ZNF516: variants seen among roughly 807,000 people sequenced by gnomAD.
The protein encoded by ZNF516 is zinc finger protein 516.
A neutral mutation model predicts 79.7 loss-of-function variants in ZNF516; 19 were observed. The observed-to-expected ratio is 0.24, with a 90% CI of 0.17 to 0.35. ZNF516 has a LOEUF of 0.35. ZNF516 is among the 10% of genes least tolerant of loss of function. ZNF516 has a pLI of 1.00. For missense variants in ZNF516, 1,678 were observed against 1,679.5 expected (o/e 1.00, Z 0.02); for synonymous variants, 877 against 739.5 (o/e 1.19, Z -3.02).
chr18:76,483,035 T>A (rs1226386689), intron 1 of ZNF516, among the ~76,000 whole-genome samples: 1 of 152,192 alleles, frequency 6.6e-6, no homozygotes, highest in African/African-American at 2.4e-5. Context: ...ATTTACTAAT[T>A]TTTTTCCTCT....
At chr18:76,372,068 G>A (rs756210126) in intron 4 of ZNF516, among the ~76,000 whole-genome samples, 8 of 152,188 alleles carry the variant, frequency 5.3e-5, no homozygotes, top group Non-Finnish European at 1.0e-4. Context: ...CCTCTCTCCT[G>A]CCTGCCTGGG....
chr18:76,449,892 G>A (rs1403076826), intron 2 of ZNF516, among the ~76,000 whole-genome samples: 9 of 152,156 alleles, frequency 5.9e-5, no homozygotes, highest in Non-Finnish European at 1.2e-4. Context: ...ACAACAACAG[G>A]TTATTTAACA....
intron 2 of ZNF516, among the ~76,000 whole-genome samples, chr18:76,449,269 A>C (rs940290595): frequency 1.3e-5 from 2 of 152,172 alleles, no homozygotes; most frequent in Non-Finnish European, 2.9e-5. Context: ...TGAACCCCAT[A>C]GCTGCCCTGG....
chr18:76,390,262 C>T (rs2145132263), intron 3 of ZNF516, among the ~76,000 whole-genome samples: 1 of 152,320 alleles, frequency 6.6e-6, no homozygotes, highest in East Asian at 1.9e-4. Context: ...TGAACACAAA[C>T]TGGTCATTTT....
chr18:76,463,682 T>C (rs375563367), intron 1 of ZNF516, among the ~76,000 whole-genome samples: 9 of 152,292 alleles, frequency 5.9e-5, no homozygotes, highest in African/African-American at 1.9e-4. Flanking sequence ...AGGGAGCCAG[T>C]CTGTGACCGC....
At chr18:76,395,514 T>C (rs972051290) in intron 3 of ZNF516, among the ~76,000 whole-genome samples, 1 of 152,108 alleles carries the variant, frequency 6.6e-6, no homozygotes, top group Admixed American at 6.6e-5. Context: ...CAGGTATCTC[T>C]TAAGGACCTG....
chr18:76,411,390 A>G (rs1197357114), intron 3 of ZNF516, among the ~76,000 whole-genome samples: 5 of 152,192 alleles, frequency 3.3e-5, no homozygotes, highest in African/African-American at 4.8e-5. Flanking sequence ...AGACAAGAAC[A>G]TTTCCAAGCA....
At position 76,459,292 on chromosome 18, in the gene ZNF516, C is replaced by A. The variant is rs531479608; in HGVS notation, c.-158+3736G>T. ...TGCTGGAGGCACACTGGACCCAGTG[C>A]CAGCTCGGGAAATCCTGGGCCGGTG... On this transcript the variant is annotated intron_variant, in intron 2 of 6. Transcript: ENST00000443185. The surrounding 1 kb of genome is among the most constrained non-coding windows in gnomAD (Gnocchi z 5.0). Among the ~76,000 whole-genome samples, 5 of 152,340 alleles carry A rather than the reference C, an allele frequency of 3.3e-5. No individual in the cohort carries two copies. The highest frequency in any genetic ancestry group is 1.2e-4 in the African/African-American group (5 of 41,580).
chr18:76,492,852 G>A, intron 1 of ZNF516: 3 of 985,864 alleles, frequency 3.0e-6, no homozygotes, highest in Non-Finnish European at 3.6e-6. Flanking sequence ...TGCCCATGTA[G>A]CCGAACTGAC....
At chr18:76,457,306 C>T (rs2145645937) in intron 2 of ZNF516, among the ~76,000 whole-genome samples, 1 of 152,318 alleles carries the variant, frequency 6.6e-6, no homozygotes, top group African/African-American at 2.4e-5. Flanking sequence ...ATAAGCAGAG[C>T]CATATTTGTT....
rs78096091 is a variant in ZNF516 at position 76,434,123 on chromosome 18, T to C, written c.1810+7122A>G. ...CCTCCCTCTTTACCAGGAGCGATCC[T>C]GCCTGGTCCATGAGATGCCCTATCT... On this transcript the variant is annotated intron_variant, in intron 3 of 6. Transcript: ENST00000443185. 8.9e-3 allele frequency among the ~76,000 whole-genome samples: 1,355 copies of C among 152,344 alleles called. 12 individuals carry two copies. Among genetic ancestry groups the C allele is most frequent in the Non-Finnish European group, 0.015 (997 of 68,038 alleles).
rs879048775 is a variant in ZNF516 at position 76,443,137 on chromosome 18, GAAGAGCCAA to G, written c.-92_-84del. The G allele has an allele frequency of 6.8e-7, 1 of 1,473,208 alleles. No homozygotes were observed. The allele number at this position is 1,473,208 out of a possible 1,614,324, so 91.3% of individuals were successfully genotyped here. ...GGACCGTCCTATCTCTCCATGGTCA[GAAGAGCCAA>G]AAGACGTGCCTGCTCCCAGGAGGTG... On this transcript the variant is annotated 5_prime_UTR_variant, in exon 3 of 7. Coordinates refer to ENST00000443185, the MANE Select transcript of ZNF516 (RefSeq NM_014643.4).
intron 3 of ZNF516, among the ~76,000 whole-genome samples, chr18:76,400,163 G>A (rs1011496573): frequency 6.6e-6 from 1 of 152,164 alleles, no homozygotes; most frequent in Non-Finnish European, 1.5e-5. Flanking sequence ...GACAGATGGA[G>A]GGACAATTTC....
chr18:76,371,654 G>A (rs1464431771), intron 4 of ZNF516, 83 bp from the exon 5 acceptor site: 35 of 1,108,584 alleles, frequency 3.2e-5, no homozygotes, highest in East Asian at 2.5e-4. Context: ...AGGGGGAAGC[G>A]AGAGGAAAAC....
chr18:76,481,392 A>G (rs1265942886), intron 1 of ZNF516, among the ~76,000 whole-genome samples: 1 of 152,212 alleles, frequency 6.6e-6, no homozygotes, highest in Non-Finnish European at 1.5e-5. Flanking sequence ...CCAGCCATCT[A>G]GAAAGAGGAA....
chr18:76,460,072 G>A (rs1013868999), intron 2 of ZNF516, among the ~76,000 whole-genome samples: 8 of 152,206 alleles, frequency 5.3e-5, no homozygotes, highest in African/African-American at 1.9e-4. Flanking sequence ...TTCTGGACCA[G>A]GACTCGTTCT....
At chr18:76,477,381 G>A (rs991737975) in intron 1 of ZNF516, among the ~76,000 whole-genome samples, 2 of 152,132 alleles carry the variant, frequency 1.3e-5, no homozygotes, top group South Asian at 2.1e-4. Flanking sequence ...CCATAAGCAG[G>A]AGTAACAGGT....
At chr18:76,478,517 TAAAC>T (rs1307470928) in intron 1 of ZNF516, among the ~76,000 whole-genome samples, 15 of 152,184 alleles carry the variant, frequency 9.9e-5, no homozygotes, top group Non-Finnish European at 2.2e-4. Context: ...TTTTCTAAAA[TAAAC>T]AATTTTTTAA....
intron 4 of ZNF516, among the ~76,000 whole-genome samples, 165 bp downstream of exon 4, chr18:76,378,690 T>A (rs1261899544): frequency 6.6e-6 from 1 of 152,194 alleles, no homozygotes; most frequent in African/African-American, 2.4e-5. Context: ...TCTGCTGTGC[T>A]CCTCGGCCAG....
Sources: allele counts gnomAD v4.1 joint callset (sites outside exome capture counted in the v4.1 genomes callset), GRCh38; gene constraint gnomAD v4.1.1; non-coding constraint Gnocchi (gnomAD v3.1); transcripts MANE v1.5; gene names NCBI Gene and HGNC (gene_info 2026-07-23, HGNC 2026-07-21).